Variants in ST18 observed in about 807,000 individuals in gnomAD.
ST18 encodes the protein suppression of tumorigenicity 18 protein.
A neutral mutation model predicts 110.0 loss-of-function variants in ST18; 50 were observed. The ratio of observed to expected loss-of-function variants is 0.45; its 90% CI spans 0.36 to 0.58. The LOEUF (loss-of-function observed/expected upper bound fraction) is 0.58. Among genes scored for constraint, ST18 ranks in the 20% least tolerant of loss-of-function variants. The pLI, the probability that ST18 is intolerant of heterozygous loss-of-function variation, is 0.00. For synonymous variants in ST18, 461 were observed against 452.4 expected (o/e 1.02, Z -0.24); for missense variants, 1,306 against 1,280.1 (o/e 1.02, Z -0.31).
At position 52,149,858 on chromosome 8, in the gene ST18, A is replaced by G; in HGVS notation, c.1926T>C (p.Ser642=). The G allele has an allele frequency of 6.2e-7, 1 of 1,614,180 alleles. No individual in the cohort carries two copies. Among genetic ancestry groups the G allele is most frequent in the Non-Finnish European group, 8.5e-7 (1 of 1,180,008 alleles). ...GAATGCTGCTTGTTTTGAATGGGGA[A>G]GAGGAAGGAGTTGGAATAGAAGTGT... The part of the protein sequence containing the change: ...SSNTSIPTPS[S]SPFKTSSILV... Residue 642 remains serine, a synonymous_variant, in exon 16 of 26, where the codon TCT becomes TCC. Transcript: ENST00000689386.
chr8:52,231,963 G>A (rs916768275), intron 2 of ST18, among the ~76,000 whole-genome samples: 4 of 152,194 alleles, frequency 2.6e-5, no homozygotes, highest in African/African-American at 9.6e-5. Flanking sequence ...GTAGATCTAT[G>A]GTGGGACCCG....
chr8:52,204,713 C>T (rs2079301636), intron 8 of ST18, among the ~76,000 whole-genome samples: 1 of 152,140 alleles, frequency 6.6e-6, no homozygotes, highest in Admixed American at 6.6e-5. Context: ...AAAAGAAAAG[C>T]TAAATGGATG....
chr8:52,332,530 CTTTTTTTTTTTTTTTT>C (rs140331895), intron 2 of ST18, among the ~76,000 whole-genome samples: 859 of 49,860 alleles, frequency 0.017, 15 homozygotes, highest in African/African-American at 0.053. Context: ...TCTAATGTAG[CTTTTTTTTTTTTTTTT>C]TTTTTTTTTT....
intron 17 of ST18, among the ~76,000 whole-genome samples, chr8:52,139,979 T>C (rs1484019487): frequency 2.0e-5 from 3 of 152,176 alleles, no homozygotes; most frequent in African/African-American, 7.2e-5. Flanking sequence ...ATACAAAAAC[T>C]GGAAGAAAGA....
At chr8:52,336,318 T>A (rs1812038550) in intron 2 of ST18, among the ~76,000 whole-genome samples, 1 of 151,940 alleles carries the variant, frequency 6.6e-6, no homozygotes, top group Non-Finnish European at 1.5e-5. Context: ...CTCAGCTAAT[T>A]TTTTCTATTT....
At chr8:52,282,832 T>C (rs1294436830) in intron 2 of ST18, among the ~76,000 whole-genome samples, 3 of 151,858 alleles carry the variant, frequency 2.0e-5, no homozygotes, top group Non-Finnish European at 4.4e-5. Context: ...CCCAGTGCCT[T>C]CGGGAGCGGG....
intron 2 of ST18, among the ~76,000 whole-genome samples, chr8:52,361,670 C>A (rs1208929413): frequency 3.9e-5 from 6 of 152,120 alleles, no homozygotes; most frequent in Non-Finnish European, 8.8e-5. Context: ...AAATCTTAAT[C>A]TTTTGCATCA....
At chr8:52,340,333 G>A (rs1253273604) in intron 2 of ST18, among the ~76,000 whole-genome samples, 6 of 152,214 alleles carry the variant, frequency 3.9e-5, no homozygotes, top group African/African-American at 9.6e-5. Flanking sequence ...ACTGGTGTAC[G>A]TTTTATGTGC....
At chr8:52,383,140 A>C (rs1835225471) in intron 2 of ST18, among the ~76,000 whole-genome samples, 1 of 152,204 alleles carries the variant, frequency 6.6e-6, no homozygotes, top group Non-Finnish European at 1.5e-5. Context: ...CAAAGAGAAG[A>C]GTAAGCTCAA....
At chr8:52,393,882 CA>C (rs36094545) in intron 2 of ST18, 8,278 of 68,966 alleles carry the variant, frequency 0.12, 428 homozygotes, top group African/African-American at 0.24. Flanking sequence ...AACTCCATCT[CA>C]AAAAAAAAAA....
intron 2 of ST18, among the ~76,000 whole-genome samples, chr8:52,384,084 T>A (rs879665615): frequency 6.6e-6 from 1 of 152,232 alleles, no homozygotes; most frequent in Admixed American, 6.5e-5. Context: ...ATACATTCCA[T>A]CCTTGGCATA....
intron 2 of ST18, among the ~76,000 whole-genome samples, chr8:52,347,117 C>A (rs528838464): frequency 1.3e-5 from 2 of 152,182 alleles, no homozygotes; most frequent in Non-Finnish European, 2.9e-5. Context: ...AGTCCTGGCA[C>A]AATGCCTCTT....
chr8:52,241,755 C>T (rs2093425558), intron 2 of ST18, among the ~76,000 whole-genome samples: 1 of 152,130 alleles, frequency 6.6e-6, no homozygotes, highest in Non-Finnish European at 1.5e-5. Context: ...AACTTTAGTA[C>T]ATGAAAAATA....
rs896658090 is a variant in ST18, at chr8:52,128,991, G to C, written c.2667-2851C>G. On this transcript the variant is annotated intron_variant, in intron 22 of 25. Transcript: ENST00000689386. ...AAATTGAACAATCTCAGAGATTTCA[G>C]ATTCAAAATATGTAACATATAAAAG... Among the ~76,000 whole-genome samples the C allele has an allele frequency of 5.9e-5, 9 of 152,100 alleles. No homozygotes were observed. In the South Asian group the frequency reaches 6.2e-4, roughly 11 times the overall value.
At chr8:52,125,428 A>G (rs2046640956) in intron 23 of ST18, among the ~76,000 whole-genome samples, 1 of 152,074 alleles carries the variant, frequency 6.6e-6, no homozygotes, top group African/African-American at 2.4e-5. Context: ...AGAGAGAAAG[A>G]GAACACACAC....
At chr8:52,186,670 A>G (rs2072388981) in intron 8 of ST18, among the ~76,000 whole-genome samples, 1 of 152,242 alleles carries the variant, frequency 6.6e-6, no homozygotes, top group South Asian at 2.1e-4. Flanking sequence ...CTTTGACTGC[A>G]GAATGAATAA....
chr8:52,165,756 C>T (rs998714063), intron 11 of ST18, among the ~76,000 whole-genome samples: 1 of 152,194 alleles, frequency 6.6e-6, no homozygotes, highest in African/African-American at 2.4e-5. Context: ...GCTAAACTGG[C>T]AGGACAGCAC....
chr8:52,257,948 A>G (rs2094574822), intron 2 of ST18, among the ~76,000 whole-genome samples: 1 of 152,142 alleles, frequency 6.6e-6, no homozygotes, highest in African/African-American at 2.4e-5. Flanking sequence ...TTGAGTTAAT[A>G]TTTGCATATG....
intron 2 of ST18, among the ~76,000 whole-genome samples, chr8:52,293,411 G>T (rs2095585719): frequency 6.6e-6 from 1 of 152,220 alleles, no homozygotes; most frequent in African/African-American, 2.4e-5. Flanking sequence ...AGGTAACTTA[G>T]GGAGCATGTT....
Sources: allele counts gnomAD v4.1 joint callset (sites outside exome capture counted in the v4.1 genomes callset), GRCh38; gene constraint gnomAD v4.1.1; transcripts MANE v1.5; gene names NCBI Gene and HGNC (gene_info 2026-07-23, HGNC 2026-07-21).